Variants in ERMARD observed in about 807,000 individuals in gnomAD.
ERMARD encodes the protein ER membrane associated RNA degradation.
ERMARD carries 71 observed loss-of-function variants against 83.9 expected under a neutral mutation model. That is an observed-to-expected ratio of 0.85 (90% CI 0.70 to 1.03). The LOEUF is 1.03. ERMARD is among the 50% of genes least tolerant of loss of function. The pLI is 0.00. For missense variants in ERMARD, 838 were observed against 810.9 expected (o/e 1.03, Z -0.41); for synonymous variants, 284 against 298.6 (o/e 0.95, Z 0.50).
upstream of ERMARD, chr6:169,751,573 G>T: frequency 6.8e-6 from 11 of 1,606,246 alleles, no homozygotes; most frequent in Non-Finnish European, 9.3e-6. Context: ...GGTAGGAAGT[G>T]CCCGCCAGGG....
chr6:169,780,580 A>G (rs755870883), intron 17 of ERMARD, among the ~76,000 whole-genome samples: 94 of 152,232 alleles, frequency 6.2e-4, no homozygotes, highest in Non-Finnish European at 1.1e-3. Context: ...AGTGGCACAC[A>G]TCTTCTCTGA....
In ERMARD at chr6:169,773,536, T is replaced by TG. The variant is rs556218137; in HGVS notation, c.1317+135dup. On this transcript the variant is annotated intron_variant, in intron 13 of 17. Coordinates refer to ENST00000366773, the MANE Select transcript of ERMARD (RefSeq NM_018341.3). ...TGGGCAGATCCAGCTTTTTAACCAG[T>TG]GCGGGGCCTGCTGTGGCGCTGGCCT... is the stretch of plus-strand genomic sequence containing the variant. 7.3e-3 allele frequency: 5,575 copies of TG among 768,522 alleles called. 38 individuals are homozygous for TG. Among genetic ancestry groups the TG allele is most frequent in the Non-Finnish European group, 9.2e-3 (4,373 of 473,876 alleles). 47.6% of individuals were successfully genotyped at this position (768,522 alleles called of 1,614,324 possible).
chr6:169,779,172 C>A lies in ERMARD; in HGVS notation c.1740-10C>A. The A allele has an allele frequency of 6.2e-7, 1 of 1,605,998 alleles. No individual in the cohort carries two copies. On this transcript the variant is annotated splice_polypyrimidine_tract_variant and intron_variant, in intron 16 of 17. Coordinates refer to ENST00000366773, the MANE Select transcript of ERMARD (RefSeq NM_018341.3). The stretch of plus-strand genomic sequence containing the variant: ...TCCTCACATTTTAATTTACTTTTAT[C>A]TGTTTTTAGTATCAGACTACTGTCC...
In ERMARD at chr6:169,769,646, A is replaced by G. The variant is rs1210561302; in HGVS notation, c.1166A>G (p.Gln389Arg). ...LHEFSKETTN[Q>R]LLAFSLVLLL... The stretch of plus-strand genomic sequence containing the variant: ...GAATTTTCAAAAGAAACAACTAATC[A>G]GTTGCTTGCATTTTCTCTTGTACTG... Residue 389 changes from glutamine to arginine, a missense_variant, in exon 12 of 18, where the codon CAG becomes CGG. Coordinates refer to ENST00000366773, the MANE Select transcript of ERMARD (RefSeq NM_018341.3). The G allele has an allele frequency of 5.6e-6, 9 of 1,612,788 alleles. No homozygotes were observed. The highest frequency in any genetic ancestry group is 1.7e-5 in the Admixed American group (1 of 59,814).
At chr6:169,772,718 C>T (rs558333231) in intron 12 of ERMARD, among the ~76,000 whole-genome samples, 4 of 146,324 alleles carry the variant, frequency 2.7e-5, no homozygotes, top group Admixed American at 7.1e-5. Flanking sequence ...TGCAGTGAGC[C>T]GAGATCGCGC....
chr6:169,762,175 T>C (rs1791634033), intron 8 of ERMARD, among the ~76,000 whole-genome samples: 3 of 152,186 alleles, frequency 2.0e-5, no homozygotes, highest in African/African-American at 7.2e-5. Context: ...AGCCTTGAAC[T>C]CCTGGGTTCA....
rs1432776838 is a variant in ERMARD at position 169,756,352 on chromosome 6, A to G, written c.330A>G (p.Ile110Met). 1.9e-6 allele frequency: 3 copies of G among 1,604,658 alleles called. No individual in the cohort carries two copies. Among genetic ancestry groups the G allele is most frequent in the Admixed American group, 3.4e-5 (2 of 58,518 alleles). ...WTSFPELFPEIFDALESLQSP... is the reference protein window; with the variant it reads ...WTSFPELFPEMFDALESLQSP... ...ATTGTAAATAGTTATTTCCTGAAATATTTGATGCCTTGGAAAGTCTACAAT... is the reference window on the plus strand; with the variant it reads ...ATTGTAAATAGTTATTTCCTGAAATGTTTGATGCCTTGGAAAGTCTACAAT... Residue 110 changes from isoleucine to methionine, a missense_variant, in exon 4 of 18, where the codon ATA becomes ATG. Ile to Met is a conservative substitution (Grantham distance 10). Coordinates refer to ENST00000366773, the MANE Select transcript of ERMARD (RefSeq NM_018341.3).
In ERMARD at chr6:169,779,171, T is replaced by C; in HGVS notation, c.1740-11T>C. The C allele has an allele frequency of 6.2e-7, 1 of 1,606,360 alleles. No homozygotes were observed. The highest frequency in any genetic ancestry group is 1.1e-5 in the South Asian group (1 of 90,922). ...ATCCTCACATTTTAATTTACTTTTA[T>C]CTGTTTTTAGTATCAGACTACTGTC... On this transcript the variant is annotated splice_polypyrimidine_tract_variant and intron_variant, in intron 16 of 17. Transcript: ENST00000366773.
chr6:169,756,517 G>C (rs1790835339), intron 4 of ERMARD, 78 bp downstream of exon 4: 2 of 1,142,710 alleles, frequency 1.8e-6, no homozygotes, highest in Non-Finnish European at 2.5e-6. Context: ...GTTGTCCTCA[G>C]TTTTCTTGAT....
At position 169,779,197 on chromosome 6, in the gene ERMARD, C is replaced by T; in HGVS notation, c.1755C>T (p.Ser585=). The T allele has an allele frequency of 6.2e-7, 1 of 1,614,010 alleles. No homozygotes were observed. The highest frequency in any genetic ancestry group is 1.1e-5 in the South Asian group (1 of 91,078). Residue 585 remains serine, a synonymous_variant, in exon 17 of 18, where the codon TCC becomes TCT. Transcript: ENST00000366773. ...CTGTTTTTAGTATCAGACTACTGTCCCCTGTGCTCAGCCTGATACTGTTAC... is the reference window on the plus strand; with the variant it reads ...CTGTTTTTAGTATCAGACTACTGTCTCCTGTGCTCAGCCTGATACTGTTAC... ...LRMWSSIRLL[S]PVLSLILLLI...
At chr6:169,765,347 T>G (rs1792066286) in intron 9 of ERMARD, among the ~76,000 whole-genome samples, 1 of 152,264 alleles carries the variant, frequency 6.6e-6, no homozygotes, top group African/African-American at 2.4e-5. Flanking sequence ...TTTATAAAAC[T>G]TAATAAGACA....
intron 6 of ERMARD, 124 bp from the exon 7 acceptor site, chr6:169,759,714 G>A (rs1428771502): frequency 1.0e-6 from 1 of 953,942 alleles, no homozygotes; most frequent in Non-Finnish European, 1.6e-6. Flanking sequence ...GAGCCACCGT[G>A]ATCGGACAGT....
intron 9 of ERMARD, among the ~76,000 whole-genome samples, chr6:169,762,790 T>C (rs1335393859): frequency 2.0e-5 from 3 of 152,224 alleles, no homozygotes; most frequent in Non-Finnish European, 4.4e-5. Context: ...GTTCTCTCTC[T>C]AGCTGTGTTG....
intron 9 of ERMARD, among the ~76,000 whole-genome samples, chr6:169,764,422 C>T (rs897865495): frequency 2.0e-5 from 3 of 151,756 alleles, no homozygotes; most frequent in Admixed American, 6.6e-5. Flanking sequence ...TGCTACTACA[C>T]CTGGCTCATT....
intron 10 of ERMARD, 83 bp from the exon 11 acceptor site, chr6:169,768,020 G>C (rs1212951475): frequency 1.8e-6 from 2 of 1,128,358 alleles, no homozygotes; most frequent in East Asian, 4.7e-5. Flanking sequence ...TAGGCTAAAA[G>C]TACTATATCC....
chr6:169,768,204 T>G (rs1054652359), intron 11 of ERMARD, 33 bp downstream of exon 11: 1 of 1,580,550 alleles, frequency 6.3e-7, no homozygotes, highest in Non-Finnish European at 8.7e-7. Context: ...GCTAATATTC[T>G]TGTATTTATG....
chr6:169,751,969 G>T (rs1054855425), intron 1 of ERMARD: 3 of 428,602 alleles, frequency 7.0e-6, no homozygotes, highest in Non-Finnish European at 1.2e-5. Context: ...TGGCGCGGGG[G>T]CGGAAAGCCG....
Position 169,762,534 on chromosome 6 carries a change from A to AAGCTTGTTTTTATT in ERMARD, c.960+5_960+18dup, listed in dbSNP as rs748277122. 5 of 1,610,198 alleles carry AAGCTTGTTTTTATT rather than the reference A, an allele frequency of 3.1e-6. No homozygotes were observed. In the South Asian group the frequency reaches 3.3e-5, roughly 11 times the overall value. On this transcript the variant is annotated splice_donor_region_variant and intron_variant, in intron 9 of 17. Coordinates refer to ENST00000366773, the MANE Select transcript of ERMARD (RefSeq NM_018341.3). ...CAAAAAGACTCCTGACTGCTGAGGTAAGCTTGTTTTTATTATTGATTGTGA... is the reference window on the plus strand; with the variant it reads ...CAAAAAGACTCCTGACTGCTGAGGTAAGCTTGTTTTTATTAGCTTGTTTTTATTATTGATTGTGA...
chr6:169,776,748 C>A, intron 16 of ERMARD, 75 bp downstream of exon 16: 2 of 1,522,728 alleles, frequency 1.3e-6, no homozygotes, highest in Non-Finnish European at 1.8e-6. Context: ...CTAGTCCTCA[C>A]TTCCAGACAC....
Sources: gnomAD v4.1 joint callset for allele counts (sites outside exome capture counted in the v4.1 genomes callset) on GRCh38, gnomAD v4.1.1 for gene constraint, MANE v1.5 for transcripts, NCBI Gene and HGNC (gene_info 2026-07-23, HGNC 2026-07-21) for gene names.